MYOM1: variants seen among roughly 807,000 people sequenced by gnomAD.
MYOM1 encodes myomesin 1.
Under a neutral mutation model 205.3 loss-of-function variants are expected in MYOM1, and 164 were observed. That is an observed-to-expected ratio of 0.80 (90% CI 0.70 to 0.91). The LOEUF (loss-of-function observed/expected upper bound fraction) is 0.91, where lower values mean the gene tolerates loss of function less well. MYOM1 is among the 40% of genes least tolerant of loss of function. The pLI, the probability that MYOM1 is intolerant of heterozygous loss-of-function variation, is 0.00. For synonymous variants in MYOM1, 772 were observed against 789.4 expected (o/e 0.98, Z 0.37); for missense variants, 2,011 against 2,127.3 (o/e 0.95, Z 1.08).
intron 4 of MYOM1, among the ~76,000 whole-genome samples, chr18:3,187,851 CTTTTTCT>C (rs1258814037): frequency 1.2e-4 from 17 of 139,608 alleles, no homozygotes; most frequent in African/African-American, 4.8e-4. Flanking sequence ...TCTTTGATTT[CTTTTTCT>C]TTTTTTTTTT....
chr18:3,231,868 T>C, the MYOM1 span, among the ~76,000 whole-genome samples: 1 of 130,466 alleles, frequency 7.7e-6, no homozygotes, highest in South Asian at 2.4e-4. Context: ...TTTTTTTTTT[T>C]AGTTAATTGG....
In MYOM1 at chr18:3,119,948, G is replaced by T. The variant is rs1473447534; in HGVS notation, c.3039C>A (p.Ala1013=). The T allele has an allele frequency of 6.2e-7, 1 of 1,610,726 alleles. No homozygotes were observed. The highest frequency in any genetic ancestry group is 8.5e-7 in the Non-Finnish European group (1 of 1,178,466). ...GCGCGCCCAGCCCAGCCATGTTCAT[G>T]GCTGCCACTTGGAACTGATACACCA... is the stretch of plus-strand genomic sequence containing the variant. ...ENMVYQFQVA[A]MNMAGLGAPS... The change falls in exon 20 of 38, where the codon GCC becomes GCA. Residue 1013 remains alanine (A), a synonymous_variant. Transcript: ENST00000356443.
At chr18:3,134,596 T>C in intron 16 of MYOM1, 54 bp downstream of exon 16, 13 of 1,514,124 alleles carry the variant, frequency 8.6e-6, no homozygotes, top group Non-Finnish European at 1.2e-5. Context: ...GTGCCGTATG[T>C]GTCTATGGCA....
chr18:3,069,068 C>A (rs1412762846), intron 37 of MYOM1, among the ~76,000 whole-genome samples: 1 of 152,188 alleles, frequency 6.6e-6, no homozygotes, highest in Non-Finnish European at 1.5e-5. Context: ...GGCCACCACA[C>A]CCAGCCCATG....
chr18:3,119,884 T>C lies in MYOM1; in HGVS notation c.3103A>G (p.Thr1035Ala). 1 of 1,608,920 alleles carries C rather than the reference T, an allele frequency of 6.2e-7. No individual in the cohort carries two copies. ...VSECFKCEEWTIAVPGPPHSL... is the reference protein window; with the variant it reads ...VSECFKCEEWAIAVPGPPHSL... ...TGTGGTTTACCTGGGACGGCGATGG[T>C]CCACTCTTCACATTTGAAGCATTCG... The change falls in exon 20 of 38, where the codon ACC (threonine) becomes GCC (alanine). Residue 1035 changes from threonine to alanine, a missense_variant. By Grantham distance (58) the Thr-to-Ala change is moderately conservative. Transcript: ENST00000356443.
At chr18:3,070,319 T>C (rs1452294607) in intron 37 of MYOM1, among the ~76,000 whole-genome samples, 1 of 152,092 alleles carries the variant, frequency 6.6e-6, no homozygotes, top group Non-Finnish European at 1.5e-5. Flanking sequence ...CAGCTGACTT[T>C]TAAAAATTGT....
intron 37 of MYOM1, among the ~76,000 whole-genome samples, 193 bp from the exon 38 acceptor site, chr18:3,067,748 C>T (rs1301764950): frequency 2.0e-5 from 3 of 152,210 alleles, no homozygotes; most frequent in Non-Finnish European, 4.4e-5. Context: ...AGGGGATCTC[C>T]TCAAGGCCTT....
chr18:3,134,557 T>A lies in MYOM1; in HGVS notation c.2384+93A>T, dbSNP rs7505171. The A allele has an allele frequency of 0.6, 796,296 of 1,320,290 alleles. 243,335 individuals are homozygous for A. Among genetic ancestry groups the A allele is most frequent in the East Asian group, 0.86 (33,313 of 38,826 alleles). 81.8% of individuals were successfully genotyped at this position (1,320,290 alleles called of 1,614,324 possible). Reference sequence around the variant, plus strand: ...CATCCAGCCAAAAAGTAAAATTTTTTAAAAAAATCTCCTCCATTGGATGTC... The same window carrying A: ...CATCCAGCCAAAAAGTAAAATTTTTAAAAAAAATCTCCTCCATTGGATGTC... On this transcript the variant is annotated intron_variant, in intron 16 of 37. Transcript: ENST00000356443.
At chr18:3,102,903 T>C (rs1032245916) in intron 22 of MYOM1, among the ~76,000 whole-genome samples, 12 of 152,094 alleles carry the variant, frequency 7.9e-5, no homozygotes, top group African/African-American at 2.9e-4. Flanking sequence ...GTTATGGGAG[T>C]GGATTGATTG....
Position 3,102,560 on chromosome 18 carries a change from CATCTT to C in MYOM1, c.3484_3488del (p.Lys1162AspfsTer16). 3 of 1,613,912 alleles carry C rather than the reference CATCTT, an allele frequency of 1.9e-6. No homozygotes were observed. In the South Asian group the frequency reaches 3.3e-5, roughly 18 times the overall value. ...ACCAGGAGAACTCGGACTTTGGAGT[CATCTT>C]ATCACACTCGAAGTTCAATGAAATG... On this transcript the variant is annotated frameshift_variant, in exon 23 of 38. Coordinates refer to ENST00000356443, the MANE Select transcript of MYOM1 (RefSeq NM_003803.4). LOFTEE classifies it high-confidence loss of function.
At chr18:3,246,096 G>T in the MYOM1 span, 1 of 152,364 alleles carries the variant, frequency 6.6e-6, no homozygotes, top group Admixed American at 6.5e-5. Flanking sequence ...AGAAGCAAAA[G>T]AATGCTGCCT....
intron 8 of MYOM1, among the ~76,000 whole-genome samples, chr18:3,171,433 G>C (rs114610509): frequency 6.6e-6 from 1 of 152,126 alleles, no homozygotes; most frequent in African/African-American, 2.4e-5. Flanking sequence ...CCCTAGAAAC[G>C]GACCTAACTT....
At chr18:3,136,547 C>T (rs1357894243) in intron 14 of MYOM1, among the ~76,000 whole-genome samples, 6 of 152,148 alleles carry the variant, frequency 3.9e-5, no homozygotes, top group Non-Finnish European at 5.9e-5. Context: ...CCACCTCAGC[C>T]TCCCAAGTAG....
At chr18:3,125,912 C>T (rs1362323482) in intron 19 of MYOM1, among the ~76,000 whole-genome samples, 1 of 152,144 alleles carries the variant, frequency 6.6e-6, no homozygotes, top group Admixed American at 6.6e-5. Context: ...CACTTCACAG[C>T]TGGTGAGCTG....
intron 14 of MYOM1, among the ~76,000 whole-genome samples, chr18:3,141,341 T>C (rs1425013327): frequency 6.6e-6 from 1 of 152,244 alleles, no homozygotes; most frequent in Admixed American, 6.5e-5. Flanking sequence ...TCCTCTCTAA[T>C]GTTCTAATTC....
At chr18:3,102,238 T>G (rs557800866) in intron 23 of MYOM1, among the ~76,000 whole-genome samples, 1 of 152,096 alleles carries the variant, frequency 6.6e-6, no homozygotes, top group African/African-American at 2.4e-5. Flanking sequence ...TCTCCTGACC[T>G]CGTGATCCAC....
At chr18:3,079,809 T>C (rs1315862460) in intron 33 of MYOM1, among the ~76,000 whole-genome samples, 1 of 152,174 alleles carries the variant, frequency 6.6e-6, no homozygotes, top group Non-Finnish European at 1.5e-5. Context: ...TCTATTGACA[T>C]ATGTTGTTAG....
chr18:3,245,186 A>G, the MYOM1 span, among the ~76,000 whole-genome samples: 3 of 152,230 alleles, frequency 2.0e-5, no homozygotes, highest in Non-Finnish European at 2.9e-5. Flanking sequence ...CAGAATTGAA[A>G]AGAACAGAAT....
At chr18:3,146,429 A>T (rs1428354544) in intron 13 of MYOM1, among the ~76,000 whole-genome samples, 2 of 152,138 alleles carry the variant, frequency 1.3e-5, no homozygotes, top group South Asian at 4.1e-4. Context: ...CAGGACTGTG[A>T]GGTTTAGTTT....
Sources: gnomAD v4.1 joint callset for allele counts (sites outside exome capture counted in the v4.1 genomes callset) on GRCh38, gnomAD v4.1.1 for gene constraint, MANE v1.5 for transcripts, NCBI Gene and HGNC (gene_info 2026-07-23, HGNC 2026-07-21) for gene names.